The following RAPGEF6 variants were observed in gnomAD, a reference collection of about 807,000 sequenced individuals.
RAPGEF6 encodes PDZ domain containing guanine nucleotide exchange factor (GEF) 2.
In RAPGEF6, 56 loss-of-function variants were observed where a neutral mutation model predicts 171.4. The ratio of observed to expected loss-of-function variants is 0.33; its 90% CI spans 0.26 to 0.41. The LOEUF (loss-of-function observed/expected upper bound fraction) is 0.41. RAPGEF6 is among the 10% of genes least tolerant of loss of function. The pLI, the probability that RAPGEF6 is intolerant of heterozygous loss-of-function variation, is 1.00. For synonymous variants in RAPGEF6, 692 were observed against 650.1 expected, an observed-to-expected ratio of 1.06 and a Z score of -0.98; for missense variants, 1,674 against 1,921.4, an observed-to-expected ratio of 0.87 and a Z score of 2.41.
At chr5:131,530,387 A>G (rs1280183688) in intron 6 of RAPGEF6, among the ~76,000 whole-genome samples, 2 of 152,198 alleles carry the variant, frequency 1.3e-5, no homozygotes, top group Non-Finnish European at 2.9e-5. Context: ...CCCAACCCCC[A>G]GTAGAACCAT....
intron 21 of RAPGEF6, among the ~76,000 whole-genome samples, chr5:131,448,663 C>T (rs1364339169): frequency 2.0e-5 from 3 of 151,838 alleles, no homozygotes; most frequent in Admixed American, 6.6e-5. Flanking sequence ...TGATAAACGT[C>T]GATAAAATGT....
At chr5:131,540,948 T>G (rs932488668) in intron 6 of RAPGEF6, among the ~76,000 whole-genome samples, 1 of 152,134 alleles carries the variant, frequency 6.6e-6, no homozygotes, top group African/African-American at 2.4e-5. Context: ...ACCATTGCAC[T>G]CCAGCCCGGG....
intron 5 of RAPGEF6, among the ~76,000 whole-genome samples, chr5:131,555,332 G>A (rs1365203105): frequency 6.6e-6 from 1 of 151,968 alleles, no homozygotes; most frequent in Non-Finnish European, 1.5e-5. Flanking sequence ...CTTGGATATC[G>A]CTGCTTCTAA....
At chr5:131,513,129 T>C (rs569725866) in intron 7 of RAPGEF6, among the ~76,000 whole-genome samples, 1 of 152,282 alleles carries the variant, frequency 6.6e-6, no homozygotes, top group South Asian at 2.1e-4. Flanking sequence ...GAATAATACA[T>C]AGAACCACAA....
At chr5:131,445,033 A>G (rs752091681) in intron 22 of RAPGEF6, among the ~76,000 whole-genome samples, 27 of 152,326 alleles carry the variant, frequency 1.8e-4, no homozygotes, top group Middle Eastern at 3.4e-3. Context: ...AATAACTTCG[A>G]CGTACAAAGA....
Position 131,525,495 on chromosome 5 carries a change from G to C in RAPGEF6, c.496-3974C>G, listed in dbSNP as rs570633530. 2.6e-5 allele frequency among the ~76,000 whole-genome samples: 4 copies of C among 152,104 alleles called. No individual in the cohort carries two copies. The East Asian group carries it at 7.7e-4, about 29-fold the overall frequency. ...AAGATGCTATATATGAAAACCTGTG[G>C]GATAAGTTAAAGTCATGCTTAGAGG... On this transcript the variant is annotated intron_variant, in intron 6 of 27. Transcript: ENST00000509018.
chr5:131,631,365 T>C (rs1201919928), intron 1 of RAPGEF6, among the ~76,000 whole-genome samples: 1 of 152,198 alleles, frequency 6.6e-6, no homozygotes, highest in African/African-American at 2.4e-5. Flanking sequence ...CAAACCTCTC[T>C]GACAATAACT....
chr5:131,517,322 A>C (rs1325209852), intron 7 of RAPGEF6, among the ~76,000 whole-genome samples: 5 of 152,056 alleles, frequency 3.3e-5, no homozygotes, highest in African/African-American at 9.7e-5. Flanking sequence ...CTGGATAAGA[A>C]GACTCCACGT....
At chr5:131,450,378 A>G (rs1245174789) in intron 21 of RAPGEF6, among the ~76,000 whole-genome samples, 1 of 152,204 alleles carries the variant, frequency 6.6e-6, no homozygotes, top group Non-Finnish European at 1.5e-5. Context: ...TTGAATTCAA[A>G]GTTTTTAAGG....
At chr5:131,586,476 C>G (rs10477737) in intron 4 of RAPGEF6, among the ~76,000 whole-genome samples, 12,141 of 152,142 alleles carry the variant, frequency 0.08, 904 homozygotes, top group African/African-American at 0.2. Flanking sequence ...ACTAAAAATA[C>G]AAAATTTAGT....
intron 19 of RAPGEF6, among the ~76,000 whole-genome samples, chr5:131,459,460 T>G (rs1164441741): frequency 2.0e-5 from 3 of 152,154 alleles, no homozygotes; most frequent in Admixed American, 1.3e-4. Context: ...GTGCCAACAC[T>G]GGATTCAAAC....
intron 4 of RAPGEF6, among the ~76,000 whole-genome samples, chr5:131,578,411 G>A (rs1762731427): frequency 6.6e-6 from 1 of 151,834 alleles, no homozygotes; most frequent in Admixed American, 6.6e-5. Flanking sequence ...CTTGTCTCCC[G>A]GCACCTCCAA....
At chr5:131,513,749 T>A (rs544945999) in intron 7 of RAPGEF6, among the ~76,000 whole-genome samples, 4 of 152,328 alleles carry the variant, frequency 2.6e-5, no homozygotes, top group African/African-American at 9.6e-5. Context: ...GGCTCCTGCC[T>A]GTAATCTCAG....
chr5:131,629,028 G>T (rs1766122117), intron 1 of RAPGEF6, among the ~76,000 whole-genome samples: 1 of 152,016 alleles, frequency 6.6e-6, no homozygotes, highest in African/African-American at 2.4e-5. Context: ...TCCATTCTGT[G>T]GCCCATGGAT....
At chr5:131,603,562 T>C (rs1764380066) in intron 2 of RAPGEF6, among the ~76,000 whole-genome samples, 1 of 152,072 alleles carries the variant, frequency 6.6e-6, no homozygotes, top group African/African-American at 2.4e-5. Flanking sequence ...TTATGTACAT[T>C]ACAAAATCTG....
chr5:131,434,766 C>T (rs10078695), intron 24 of RAPGEF6, among the ~76,000 whole-genome samples: 8,032 of 152,072 alleles, frequency 0.053, 365 homozygotes, highest in African/African-American at 0.12. Flanking sequence ...GGTGAAGGAC[C>T]CAAAAACAAA....
chr5:131,555,055 G>T (rs979457570), intron 5 of RAPGEF6, among the ~76,000 whole-genome samples: 42 of 152,228 alleles, frequency 2.8e-4, no homozygotes, highest in African/African-American at 1.0e-3. Flanking sequence ...AGGTAAAAAA[G>T]AATCTCATGT....
intron 15 of RAPGEF6, among the ~76,000 whole-genome samples, chr5:131,480,722 G>A (rs1049061867): frequency 1.3e-5 from 2 of 151,848 alleles, no homozygotes; most frequent in Non-Finnish European, 2.9e-5. Context: ...CAGGTGATTC[G>A]CCCACCTCGG....
At chr5:131,441,600 C>A (rs1435364565) in intron 23 of RAPGEF6, among the ~76,000 whole-genome samples, 1 of 152,126 alleles carries the variant, frequency 6.6e-6, no homozygotes, top group Non-Finnish European at 1.5e-5. Context: ...TCTGCATATA[C>A]CCCTGGCATA....
Sources: allele counts gnomAD v4.1 joint callset (sites outside exome capture counted in the v4.1 genomes callset), GRCh38; gene constraint gnomAD v4.1.1; transcripts MANE v1.5; gene names NCBI Gene and HGNC (gene_info 2026-07-23, HGNC 2026-07-21).